CYP3A4: variants seen among roughly 807,000 people sequenced by gnomAD.
CYP3A4 encodes the protein cytochrome P450 3A4.
Under a neutral mutation model 54.9 loss-of-function variants are expected in CYP3A4, and 41 were observed. That is an observed-to-expected ratio of 0.75 (90% CI 0.58 to 0.97). The LOEUF is 0.97. Ranked by LOEUF, CYP3A4 falls within the 50% of genes least tolerant of loss-of-function variation. CYP3A4 has a pLI of 0.00. For synonymous variants in CYP3A4, 179 were observed against 205.2 expected (o/e 0.87, Z 1.09); for missense variants, 510 against 597.3 (o/e 0.85, Z 1.52).
intron 11 of CYP3A4, 31 bp downstream of exon 11, chr7:99,762,010 A>T: frequency 6.2e-7 from 1 of 1,603,474 alleles, no homozygotes. Flanking sequence ...AGGCTGGTTC[A>T]GGGAGGGCTC....
chr7:99,778,707 C>G (rs569487887), intron 2 of CYP3A4, among the ~76,000 whole-genome samples: 83 of 152,292 alleles, frequency 5.5e-4, no homozygotes, highest in Non-Finnish European at 3.4e-4. Flanking sequence ...CTCTACACAT[C>G]GGACACAGCA....
intron 4 of CYP3A4, among the ~76,000 whole-genome samples, chr7:99,770,880 C>G (rs1303552641): frequency 6.6e-6 from 1 of 152,154 alleles, no homozygotes; most frequent in Non-Finnish European, 1.5e-5. Flanking sequence ...TTGAAACTTT[C>G]TTTCATCTTC....
intron 1 of CYP3A4, among the ~76,000 whole-genome samples, chr7:99,780,985 C>G (rs1815907787): frequency 6.6e-6 from 1 of 152,188 alleles, no homozygotes; most frequent in Admixed American, 6.5e-5. Context: ...CTACCAAAAT[C>G]TCATGTTGAA....
chr7:99,760,776 A>G, intron 12 of CYP3A4, 43 bp downstream of exon 12: 1 of 1,600,254 alleles, frequency 6.2e-7, no homozygotes, highest in Non-Finnish European at 8.5e-7. Flanking sequence ...CTCAGTTAAA[A>G]GAATTATTAA....
intron 7 of CYP3A4, among the ~76,000 whole-genome samples, chr7:99,767,523 A>G (rs1815506540): frequency 2.0e-5 from 3 of 152,202 alleles, no homozygotes; most frequent in Admixed American, 6.5e-5. Context: ...ACAAAATTCA[A>G]TGCCCTAATC....
rs935097563 is a variant in CYP3A4 at position 99,768,639 on chromosome 7, T to C, written c.522-137A>G. On this transcript the variant is annotated intron_variant, in intron 6 of 12. Coordinates refer to ENST00000651514, the MANE Select transcript of CYP3A4 (RefSeq NM_017460.6). Reference sequence around the variant, plus strand: ...CTTTCAGATCTACTAGATCACCTTCTATCACACTCCATCAGAAGGTGTTAT... The same window carrying C: ...CTTTCAGATCTACTAGATCACCTTCCATCACACTCCATCAGAAGGTGTTAT... The C allele has an allele frequency of 7.2e-6, 11 of 1,526,320 alleles. No individual in the cohort carries two copies. In the African/African-American group the frequency reaches 9.7e-5, roughly 13 times the overall value. The allele number at this position is 1,526,320 out of a possible 1,614,324, so 94.5% of individuals were successfully genotyped here.
Position 99,784,135 on chromosome 7 carries a change from T to C in CYP3A4, c.-54A>G. The C allele has an allele frequency of 6.5e-7, 1 of 1,531,636 alleles. No homozygotes were observed. Among genetic ancestry groups the C allele is most frequent in the South Asian group, 1.1e-5 (1 of 89,258 alleles). The allele number at this position is 1,531,636 out of a possible 1,614,324, so 94.9% of individuals were successfully genotyped here. A position where few individuals can be genotyped will look rare whatever the true frequency, so the allele number is the denominator to read the frequency against. ...CTGAGTCTTCCTTTCAGCTCTGTGT[T>C]GCTCTTTGCTGGGCTATGTGCATGG... On this transcript the variant is annotated 5_prime_UTR_variant, in exon 1 of 13. Coordinates refer to ENST00000651514, the MANE Select transcript of CYP3A4 (RefSeq NM_017460.6).
intron 3 of CYP3A4, 34 bp from the exon 4 acceptor site, chr7:99,772,723 A>G: frequency 1.2e-6 from 2 of 1,610,312 alleles, no homozygotes; most frequent in African/African-American, 1.3e-5. Flanking sequence ...TTAAACATCA[A>G]CAGCCTTATT....
At chr7:99,776,249 G>C (rs1815769389) in intron 3 of CYP3A4, among the ~76,000 whole-genome samples, 1 of 152,168 alleles carries the variant, frequency 6.6e-6, no homozygotes, top group South Asian at 2.1e-4. Flanking sequence ...GTTGGTGGGA[G>C]TGTAAATTAG....
At chr7:99,778,765 T>C (rs1415482564) in intron 2 of CYP3A4, among the ~76,000 whole-genome samples, 2 of 152,182 alleles carry the variant, frequency 1.3e-5, no homozygotes, top group Non-Finnish European at 2.9e-5. Flanking sequence ...AAAACAAACC[T>C]TCCTGTATCG....
At chr7:99,769,988 AG>A in intron 5 of CYP3A4, 132 bp from the exon 6 acceptor site, 1 of 1,556,262 alleles carries the variant, frequency 6.4e-7, no homozygotes, top group Non-Finnish European at 8.8e-7. Context: ...CTGTACATAA[AG>A]ATAAAAGACC....
intron 3 of CYP3A4, among the ~76,000 whole-genome samples, chr7:99,777,476 TTGTGTGTGTGTGTGTGTGTGTGTGTG>T (rs10554527): frequency 2.5e-4 from 36 of 146,608 alleles, no homozygotes; most frequent in Non-Finnish European, 5.1e-4. Context: ...ATGTCACTAG[TTGTGTGTGTGTGTGTGTGTGTGTGTG>T]TGTGTGTGTG....
chr7:99,761,055 A>T, intron 11 of CYP3A4, 74 bp from the exon 12 acceptor site: 1 of 1,523,630 alleles, frequency 6.6e-7, no homozygotes, highest in Non-Finnish European at 8.9e-7. Flanking sequence ...AGGGTTTCTT[A>T]CTTAGGGGCC....
Position 99,762,111 on chromosome 7 carries a change from TCAC to T in CYP3A4, c.1180_1182del (p.Val394del), listed in dbSNP as rs1563039437. ...CGGTGAAGAGCATAGCTTGGAATCA[TCAC>T]CACCACCCCTTTGGGAATGAACATC... On this transcript the variant is annotated inframe_deletion, in exon 11 of 13. Transcript: ENST00000651514. 1.2e-6 allele frequency: 2 copies of T among 1,613,878 alleles called. No homozygotes were observed. The highest frequency in any genetic ancestry group is 2.7e-5 in the African/African-American group (2 of 74,868).
intron 9 of CYP3A4, 129 bp downstream of exon 9, chr7:99,766,248 C>T: frequency 8.8e-7 from 1 of 1,133,226 alleles, no homozygotes; most frequent in Admixed American, 2.2e-5. Flanking sequence ...CCACTTATAA[C>T]ATTCAAACAT....
intron 7 of CYP3A4, 139 bp downstream of exon 7, chr7:99,768,215 G>A: frequency 9.6e-6 from 10 of 1,040,664 alleles, no homozygotes; most frequent in Non-Finnish European, 1.2e-5. Flanking sequence ...AATGATGATG[G>A]TCACACATAT....
At chr7:99,780,711 C>A (rs1205381130) in intron 1 of CYP3A4, among the ~76,000 whole-genome samples, 4 of 152,200 alleles carry the variant, frequency 2.6e-5, no homozygotes, top group African/African-American at 9.7e-5. Flanking sequence ...TACAGATTGA[C>A]AACTGTGCTC....
intron 11 of CYP3A4, among the ~76,000 whole-genome samples, chr7:99,761,736 T>C (rs1815338930): frequency 1.3e-5 from 2 of 152,212 alleles, no homozygotes; most frequent in African/African-American, 2.4e-5. Flanking sequence ...GGGGACATAA[T>C]AATAGCATTG....
chr7:99,759,651 G>A (rs925829011), intron 12 of CYP3A4, among the ~76,000 whole-genome samples: 2 of 152,054 alleles, frequency 1.3e-5, no homozygotes, highest in African/African-American at 2.4e-5. Context: ...TAGATACAAA[G>A]AAAATATAGA....
Sources: allele counts gnomAD v4.1 joint callset (sites outside exome capture counted in the v4.1 genomes callset), GRCh38; gene constraint gnomAD v4.1.1; transcripts MANE v1.5; gene names NCBI Gene and HGNC (gene_info 2026-07-23, HGNC 2026-07-21).